Variants in ABTB2 observed in about 807,000 individuals in gnomAD.
ABTB2 encodes the protein ankyrin repeat and BTB domain containing 2, also known as ankyrin repeat and BTB/POZ domain-containing protein 2.
In ABTB2, 56 loss-of-function variants were observed where a neutral mutation model predicts 104.1. The observed-to-expected ratio is 0.54, with a 90% CI of 0.43 to 0.67. ABTB2 has a LOEUF of 0.67. ABTB2 is among the 30% of genes least tolerant of loss of function. ABTB2 has a pLI of 0.00. For synonymous variants in ABTB2, 606 were observed against 608.2 expected, an observed-to-expected ratio of 1.00 and a Z score of 0.05; for missense variants, 1,279 against 1,407.7, an observed-to-expected ratio of 0.91 and a Z score of 1.46.
Position 34,159,455 on chromosome 11 carries a change from C to T in ABTB2, c.2607-69G>A. On this transcript the variant is annotated intron_variant, in intron 13 of 16. Coordinates refer to ENST00000435224, the MANE Select transcript of ABTB2 (RefSeq NM_145804.3). ...CTTCACCACTGTGTGGCGATGGCACCATCTGTCACCTGACCGGCTACCACA... is the reference window on the plus strand; with the variant it reads ...CTTCACCACTGTGTGGCGATGGCACTATCTGTCACCTGACCGGCTACCACA... 14 of 973,052 alleles carry T rather than the reference C, an allele frequency of 1.4e-5. No homozygotes were observed. The South Asian group carries it at 1.7e-4, about 12-fold the overall frequency. The allele number at this position is 973,052 out of a possible 1,614,324, so 60.3% of individuals were successfully genotyped here.
chr11:34,193,745 G>C (rs112918426), intron 3 of ABTB2, among the ~76,000 whole-genome samples: 6 of 152,212 alleles, frequency 3.9e-5, no homozygotes, highest in African/African-American at 1.4e-4. Flanking sequence ...CTAAGGCATG[G>C]AAGGGCCCTC....
At chr11:34,165,156 C>T (rs1449931162) in intron 8 of ABTB2, 104 bp downstream of exon 8, 18 of 1,074,534 alleles carry the variant, frequency 1.7e-5, no homozygotes, top group Non-Finnish European at 2.0e-5. Context: ...TGCATGGGGT[C>T]CGTGTGTGCT....
chr11:34,182,422 AC>A (rs1246082276), intron 3 of ABTB2, among the ~76,000 whole-genome samples: 1 of 145,326 alleles, frequency 6.9e-6, no homozygotes, highest in Non-Finnish European at 1.5e-5. Context: ...CTGCCTCTGA[AC>A]CGCAGCTGAG....
At chr11:34,305,197 A>G (rs957736544) in intron 1 of ABTB2, among the ~76,000 whole-genome samples, 1 of 152,254 alleles carries the variant, frequency 6.6e-6, no homozygotes, top group Admixed American at 6.5e-5. Context: ...AAATCAAAAC[A>G]TTAAGCTAGG....
In ABTB2 at chr11:34,290,498, T is replaced by C. The variant is rs1654090277; in HGVS notation, c.883+66203A>G. Among the ~76,000 whole-genome samples, 8 of 152,188 alleles carry C rather than the reference T, an allele frequency of 5.3e-5. 1 individual carries two copies. Reference sequence around the variant, plus strand: ...TTGTTTAAGAAGCTCATTAACCACATATGGCAGATATGAAAATCATCTAGA... The same window carrying C: ...TTGTTTAAGAAGCTCATTAACCACACATGGCAGATATGAAAATCATCTAGA... On this transcript the variant is annotated intron_variant, in intron 1 of 16. Coordinates refer to ENST00000435224, the MANE Select transcript of ABTB2 (RefSeq NM_145804.3).
intron 1 of ABTB2, among the ~76,000 whole-genome samples, chr11:34,352,348 A>G (rs1472810117): frequency 6.6e-6 from 1 of 152,232 alleles, no homozygotes; most frequent in African/African-American, 2.4e-5. Context: ...TCAGAGAAGC[A>G]TTCCTTGACT....
intron 1 of ABTB2, among the ~76,000 whole-genome samples, chr11:34,264,280 A>G (rs768911981): frequency 4.9e-4 from 75 of 152,106 alleles, no homozygotes; most frequent in Non-Finnish European, 1.0e-3. Context: ...CCTCTGTGAG[A>G]TGGGCTCTTC....
intron 1 of ABTB2, among the ~76,000 whole-genome samples, chr11:34,274,157 T>A (rs1854354398): frequency 1.8e-4 from 4 of 22,762 alleles, no homozygotes; most frequent in South Asian, 1.7e-3. Context: ...AGACTCCGTC[T>A]CAAAAAAAAA....
intron 1 of ABTB2, among the ~76,000 whole-genome samples, chr11:34,209,844 G>A (rs11032551): frequency 7.9e-6 from 1 of 125,954 alleles, no homozygotes. Context: ...AGGGGTTGGG[G>A]TGGGGGTGGG....
Position 34,154,402 on chromosome 11 carries a change from T to G in ABTB2, c.2767-24A>C. ...AGCTGGTAGGGAGGCAGAGCAGGTC[T>G]TGGGGACCCATGGCCAGACCAGTGG... On this transcript the variant is annotated intron_variant, in intron 15 of 16. Coordinates refer to ENST00000435224, the MANE Select transcript of ABTB2 (RefSeq NM_145804.3). This position sits in a 1 kb window ranked among gnomAD's most constrained non-coding sequence, Gnocchi z 4.9. 1.3e-6 allele frequency: 2 copies of G among 1,568,006 alleles called. No individual in the cohort carries two copies. The highest frequency in any genetic ancestry group is 1.7e-6 in the Non-Finnish European group (2 of 1,144,318).
At chr11:34,335,428 C>T (rs185519323) in intron 1 of ABTB2, 2 of 789,140 alleles carry the variant, frequency 2.5e-6, no homozygotes, top group East Asian at 4.9e-5. Context: ...TCAGTTTCTA[C>T]TTCTTCACTC....
chr11:34,242,717 A>T (rs1249072878), intron 1 of ABTB2, among the ~76,000 whole-genome samples: 4 of 152,172 alleles, frequency 2.6e-5, no homozygotes, highest in Non-Finnish European at 5.9e-5. Flanking sequence ...AGGGTGTATG[A>T]CAGATCTAAC....
At chr11:34,293,307 C>A (rs962641954) in intron 1 of ABTB2, among the ~76,000 whole-genome samples, 9 of 152,046 alleles carry the variant, frequency 5.9e-5, no homozygotes, top group African/African-American at 2.2e-4. Flanking sequence ...CACGAGGAGG[C>A]TGGAGGAGAG....
chr11:34,287,441 C>CA (rs1410686239), intron 1 of ABTB2, among the ~76,000 whole-genome samples: 1 of 152,060 alleles, frequency 6.6e-6, no homozygotes, highest in East Asian at 1.9e-4. Flanking sequence ...CCCAGCTACT[C>CA]AGGACTCTGA....
At chr11:34,153,695 G>T (rs1852581069) in intron 16 of ABTB2, among the ~76,000 whole-genome samples, 1 of 152,214 alleles carries the variant, frequency 6.6e-6, no homozygotes, top group Admixed American at 6.5e-5. Flanking sequence ...CTAAAGCCAG[G>T]AAGTAGGGAG....
At position 34,160,914 on chromosome 11, in the gene ABTB2, T is replaced by G. The variant is rs544758403; in HGVS notation, c.2386A>C (p.Lys796Gln). 2.4e-5 allele frequency: 38 copies of G among 1,608,572 alleles called. No individual in the cohort carries two copies. In the East Asian group the frequency reaches 8.3e-4, roughly 35 times the overall value. ...CTGGCCACACTTACTTTGCTGGTCT[T>G]GAGGATGTCGAACATGAGCTGCAAG... ...EGLQLMFDIL[K>Q]TSKNDSVIQQ... Residue 796 changes from lysine to glutamine, a missense_variant, in exon 11 of 17, where the codon AAG becomes CAG. Transcript: ENST00000435224.
intron 1 of ABTB2, among the ~76,000 whole-genome samples, chr11:34,236,743 G>A (rs759224111): frequency 6.6e-6 from 1 of 152,222 alleles, no homozygotes; most frequent in Non-Finnish European, 1.5e-5. Context: ...AAAGAACCGA[G>A]GAGGGTAGAT....
At chr11:34,232,456 A>AAAAAAAAAC (rs1409033121) in intron 1 of ABTB2, among the ~76,000 whole-genome samples, 3 of 151,302 alleles carry the variant, frequency 2.0e-5, no homozygotes, top group Admixed American at 6.6e-5. Flanking sequence ...TCTCAAAAAA[A>AAAAAAAAAC]AAAAAAAAAA....
At chr11:34,213,283 GC>G (rs1242618283) in intron 1 of ABTB2, among the ~76,000 whole-genome samples, 1 of 152,210 alleles carries the variant, frequency 6.6e-6, no homozygotes, top group Non-Finnish European at 1.5e-5. Context: ...TTCGAGACCA[GC>G]CTGGCTAACA....
Sources: allele counts gnomAD v4.1 joint callset (sites outside exome capture counted in the v4.1 genomes callset), GRCh38; gene constraint gnomAD v4.1.1; non-coding constraint Gnocchi (gnomAD v3.1); transcripts MANE v1.5; gene names NCBI Gene and HGNC (gene_info 2026-07-23, HGNC 2026-07-21).